The following SLC38A8 variants were observed in gnomAD, a reference collection of about 807,000 sequenced individuals.
The protein encoded by SLC38A8 is solute carrier family 38 member 8.
Under a neutral mutation model 46.0 loss-of-function variants are expected in SLC38A8, and 65 were observed. That is an observed-to-expected ratio of 1.41 (90% CI 1.16 to 1.74). The LOEUF (loss-of-function observed/expected upper bound fraction) is 1.74, where lower values mean the gene tolerates loss of function less well. Among genes scored for constraint, SLC38A8 ranks in the 40% most tolerant of loss-of-function variants. The pLI, the probability that SLC38A8 is intolerant of heterozygous loss-of-function variation, is 0.00. For synonymous variants in SLC38A8, 447 were observed against 243.7 expected (o/e 1.83, Z -7.77); for missense variants, 998 against 567.9 (o/e 1.76, Z -7.70).
chr16:84,026,116 G>A (rs538850470), intron 6 of SLC38A8, among the ~76,000 whole-genome samples: 11 of 152,394 alleles, frequency 7.2e-5, no homozygotes, highest in Non-Finnish European at 1.6e-4. Context: ...GCGTATAGGG[G>A]CACAGCTGAG....
intron 6 of SLC38A8, among the ~76,000 whole-genome samples, chr16:84,024,648 G>A (rs1393704886): frequency 6.6e-6 from 1 of 152,078 alleles, no homozygotes; most frequent in Non-Finnish European, 1.5e-5. Context: ...AGGTGTGGTG[G>A]CAAGCACCTG....
rs200469487 is a variant in SLC38A8, at chr16:84,036,684, T to C, written c.388+18A>G. On this transcript the variant is annotated intron_variant, in intron 3 of 10. Transcript: ENST00000299709. ...GTCCGGCACCCTGGGCCACCCCGAG[T>C]CCCATGAAGGTACTTACGCTTCTCC... The C allele has an allele frequency of 1.0e-4, 163 of 1,613,494 alleles. No homozygotes were observed. Among genetic ancestry groups the C allele is most frequent in the Middle Eastern group, 3.4e-4 (2 of 5,856 alleles).
chr16:84,034,715 C>T (rs1370268870), intron 3 of SLC38A8, among the ~76,000 whole-genome samples: 1 of 152,170 alleles, frequency 6.6e-6, no homozygotes, highest in African/African-American at 2.4e-5. Context: ...GTCACAGCAG[C>T]ATCCACGTGG....
chr16:84,039,178 G>T (rs942848944), intron 2 of SLC38A8, among the ~76,000 whole-genome samples: 1 of 152,154 alleles, frequency 6.6e-6, no homozygotes, highest in Non-Finnish European at 1.5e-5. Context: ...AGCCTTTGGA[G>T]GGAGCGAAGC....
At chr16:84,013,858 G>T (rs905239968) in intron 9 of SLC38A8, among the ~76,000 whole-genome samples, 2 of 152,074 alleles carry the variant, frequency 1.3e-5, no homozygotes, top group African/African-American at 2.4e-5. Flanking sequence ...GAAATAGCCA[G>T]CGCTACAACT....
At chr16:84,018,563 A>T (rs1209396825) in intron 7 of SLC38A8, among the ~76,000 whole-genome samples, 1 of 151,946 alleles carries the variant, frequency 6.6e-6, no homozygotes, top group Non-Finnish European at 1.5e-5. Flanking sequence ...CCATGCCCAT[A>T]ACCCATCAGT....
At chr16:84,025,072 G>T (rs1321712629) in intron 6 of SLC38A8, among the ~76,000 whole-genome samples, 2 of 152,204 alleles carry the variant, frequency 1.3e-5, no homozygotes, top group Admixed American at 6.5e-5. Context: ...GTGGACATTG[G>T]TGATTCACGA....
intron 2 of SLC38A8, among the ~76,000 whole-genome samples, chr16:84,039,662 C>T (rs534708924): frequency 8.2e-5 from 12 of 146,138 alleles, no homozygotes; most frequent in Non-Finnish European, 1.5e-4. Context: ...GCAGGAGAAT[C>T]GCTTGAACCA....
intron 4 of SLC38A8, among the ~76,000 whole-genome samples, chr16:84,033,026 G>A (rs1302937894): frequency 6.6e-6 from 1 of 151,354 alleles, no homozygotes; most frequent in South Asian, 2.1e-4. Flanking sequence ...GGGTGTGTAT[G>A]TGTGGGTGTG....
intron 6 of SLC38A8, among the ~76,000 whole-genome samples, chr16:84,025,450 C>G (rs960520236): frequency 4.6e-5 from 7 of 152,232 alleles, no homozygotes; most frequent in Non-Finnish European, 8.8e-5. Context: ...CTCTCTCACA[C>G]AGCCCGTGTC....
chr16:84,019,465 CTG>C lies in SLC38A8; in HGVS notation c.806-2180_806-2179del, dbSNP rs1350042732. The stretch of plus-strand genomic sequence containing the variant: ...AACCCTTCACCACAAATGGATTAAT[CTG>C]TTTATGAGAGCGCTGCTCTCGACAG... On this transcript the variant is annotated intron_variant, in intron 7 of 10. Coordinates refer to ENST00000299709, the MANE Select transcript of SLC38A8 (RefSeq NM_001080442.3). 3.9e-5 allele frequency among the ~76,000 whole-genome samples: 6 copies of C among 152,324 alleles called. No homozygotes were observed. In the South Asian group the frequency reaches 1.2e-3, roughly 32 times the overall value.
Position 84,031,668 on chromosome 16 carries a change from C to A in SLC38A8, c.632+199G>T, listed in dbSNP as rs547095725. Among the ~76,000 whole-genome samples, 8 of 152,202 alleles carry A rather than the reference C, an allele frequency of 5.3e-5. 1 individual carries two copies. In the South Asian group the frequency reaches 1.7e-3, roughly 32 times the overall value. On this transcript the variant is annotated intron_variant, in intron 5 of 10. Transcript: ENST00000299709. ...GTCCCTTGGCCTGTCCCGGTCATCG[C>A]TAGCCACGGCCAGGTCCCTGCAGCA... is the stretch of plus-strand genomic sequence containing the variant.
At chr16:84,015,149 A>G (rs1023878547) in intron 9 of SLC38A8, among the ~76,000 whole-genome samples, 12 of 152,134 alleles carry the variant, frequency 7.9e-5, no homozygotes, top group African/African-American at 2.9e-4. Flanking sequence ...CACTCACGGA[A>G]CACGCACTGA....
chr16:84,038,279 C>T (rs2085324730), intron 2 of SLC38A8, among the ~76,000 whole-genome samples: 1 of 151,968 alleles, frequency 6.6e-6, no homozygotes, highest in Non-Finnish European at 1.5e-5. Flanking sequence ...CCACTGTACT[C>T]CAGCCTGGGC....
intron 4 of SLC38A8, among the ~76,000 whole-genome samples, chr16:84,033,037 G>C (rs187021131): frequency 1.9e-3 from 283 of 151,452 alleles, no homozygotes; most frequent in African/African-American, 6.7e-3. Context: ...TGTGGGTGTG[G>C]GTAGGTGTGT....
At chr16:84,032,017 T>C (rs759186026) in intron 4 of SLC38A8, 49 bp from the exon 5 acceptor site, 7 of 1,497,374 alleles carry the variant, frequency 4.7e-6, no homozygotes, top group Middle Eastern at 1.7e-4. Flanking sequence ...ACATGTGCGG[T>C]TGATGCACGG....
intron 6 of SLC38A8, 30 bp from the exon 7 acceptor site, chr16:84,022,919 G>C (rs370659793): frequency 6.6e-7 from 1 of 1,513,418 alleles, no homozygotes; most frequent in African/African-American, 1.4e-5. Flanking sequence ...TCAGCAGGAT[G>C]CTGGCTTCCC....
chr16:84,029,405 G>C (rs1047937198), intron 6 of SLC38A8, 89 bp downstream of exon 6: 9 of 1,425,932 alleles, frequency 6.3e-6, no homozygotes, highest in Admixed American at 1.9e-5. Context: ...ACGCCTCCCT[G>C]ACAGAGAAAC....
At position 84,032,519 on chromosome 16, in the gene SLC38A8, G is replaced by T. The variant is rs562368554; in HGVS notation, c.531-551C>A. 4.1e-3 allele frequency among the ~76,000 whole-genome samples: 628 copies of T among 152,270 alleles called. 3 individuals are homozygous for T. Among genetic ancestry groups the T allele is most frequent in the African/African-American group, 0.014 (584 of 41,552 alleles). ...TCTTAATGGCACCCGGCGCCCTTCGGGATGGCAGCTGTAATAGTGTTTCCT... is the reference window on the plus strand; with the variant it reads ...TCTTAATGGCACCCGGCGCCCTTCGTGATGGCAGCTGTAATAGTGTTTCCT... On this transcript the variant is annotated intron_variant, in intron 4 of 10. Coordinates refer to ENST00000299709, the MANE Select transcript of SLC38A8 (RefSeq NM_001080442.3).
Sources: gnomAD v4.1 joint callset for allele counts (sites outside exome capture counted in the v4.1 genomes callset) on GRCh38, gnomAD v4.1.1 for gene constraint, MANE v1.5 for transcripts, NCBI Gene and HGNC (gene_info 2026-07-23, HGNC 2026-07-21) for gene names.